Variants in CADPS2 observed in about 807,000 individuals in gnomAD.
CADPS2 encodes calcium dependent secretion activator 2, also known as calcium-dependent secretion activator 2.
Under a neutral mutation model 172.5 loss-of-function variants are expected in CADPS2, and 93 were observed. That is an observed-to-expected ratio of 0.54 (90% CI 0.46 to 0.64). CADPS2 has a LOEUF of 0.64. Among genes scored for constraint, CADPS2 ranks in the 30% least tolerant of loss-of-function variants. CADPS2 has a pLI of 0.00. For synonymous variants in CADPS2, 546 were observed against 555.2 expected, an observed-to-expected ratio of 0.98 and a Z score of 0.23; for missense variants, 1,420 against 1,565.9, an observed-to-expected ratio of 0.91 and a Z score of 1.57.
chr7:122,396,988 C>T (rs893824886), intron 20 of CADPS2, among the ~76,000 whole-genome samples: 1 of 152,102 alleles, frequency 6.6e-6, no homozygotes, highest in African/African-American at 2.4e-5. Context: ...ACTTATAAAA[C>T]CTATTGAGGC....
intron 6 of CADPS2, among the ~76,000 whole-genome samples, chr7:122,599,783 A>G (rs528126066): frequency 4.4e-4 from 67 of 152,092 alleles, no homozygotes; most frequent in Non-Finnish European, 8.5e-4. Context: ...TACATATAAT[A>G]TGAAATATAC....
intron 10 of CADPS2, 25 bp from the exon 11 acceptor site, chr7:122,490,306 A>G: frequency 6.2e-7 from 1 of 1,603,960 alleles, no homozygotes; most frequent in East Asian, 2.2e-5. Flanking sequence ...AAAAGACATC[A>G]TTAAAAATTT....
At chr7:122,710,082 C>A (rs1228812294) in intron 2 of CADPS2, among the ~76,000 whole-genome samples, 6 of 140,554 alleles carry the variant, frequency 4.3e-5, no homozygotes, top group African/African-American at 5.3e-5. Context: ...TCTGCCAACC[C>A]AAAAAAAAAA....
chr7:122,702,040 G>A (rs751255171), intron 2 of CADPS2: 1 of 1,613,362 alleles, frequency 6.2e-7, no homozygotes, highest in African/African-American at 1.3e-5. Flanking sequence ...GTTGAAGCTG[G>A]TCAATAGCTT....
At chr7:122,545,248 G>A (rs2063504268) in intron 8 of CADPS2, among the ~76,000 whole-genome samples, 1 of 152,166 alleles carries the variant, frequency 6.6e-6, no homozygotes, top group African/African-American at 2.4e-5. Context: ...ATGGCTTGCA[G>A]TTAGCGGAGA....
At chr7:122,720,224 C>T (rs1161522409) in intron 2 of CADPS2, among the ~76,000 whole-genome samples, 1 of 151,858 alleles carries the variant, frequency 6.6e-6, no homozygotes, top group Non-Finnish European at 1.5e-5. Context: ...CATAATAAAA[C>T]CACAATACCA....
intron 1 of CADPS2, among the ~76,000 whole-genome samples, chr7:122,757,412 T>C (rs1377800149): frequency 1.3e-5 from 2 of 152,052 alleles, no homozygotes; most frequent in Admixed American, 1.3e-4. Context: ...CCACCCAAAG[T>C]GCTGGGATTA....
chr7:122,332,071 C>T (rs1304294445), intron 28 of CADPS2: 1 of 152,106 alleles, frequency 6.6e-6, no homozygotes, highest in Non-Finnish European at 1.5e-5. Flanking sequence ...TTAATTATTT[C>T]CAAAAAAGCC....
Position 122,550,967 on chromosome 7 carries a change from T to C in CADPS2, c.1475+3583A>G, listed in dbSNP as rs185637906. Among the ~76,000 whole-genome samples, 426 of 152,234 alleles carry C rather than the reference T, an allele frequency of 2.8e-3. 4 individuals are homozygous for C. Among genetic ancestry groups the C allele is most frequent in the African/African-American group, 9.9e-3 (411 of 41,560 alleles). ...TCTTGTGGTAATGCCCAGTTTGGTT[T>C]TAAAAGGATGGAATCATAGTTATGC... On this transcript the variant is annotated intron_variant, in intron 8 of 29. Coordinates refer to ENST00000449022, the MANE Select transcript of CADPS2 (RefSeq NM_017954.11).
chr7:122,708,882 G>A (rs2088137857), intron 2 of CADPS2, among the ~76,000 whole-genome samples: 2 of 151,796 alleles, frequency 1.3e-5, no homozygotes, highest in Admixed American at 6.6e-5. Flanking sequence ...GCACTAGGAG[G>A]CAGAAGGAAG....
At chr7:122,389,883 A>C (rs150958672) in intron 22 of CADPS2, among the ~76,000 whole-genome samples, 39 of 152,178 alleles carry the variant, frequency 2.6e-4, no homozygotes, top group African/African-American at 8.9e-4. Flanking sequence ...TGTATCCCAG[A>C]ACTTAAAGTA....
chr7:122,413,649 T>C (rs1217154950), intron 19 of CADPS2, among the ~76,000 whole-genome samples: 1 of 152,190 alleles, frequency 6.6e-6, no homozygotes, highest in Non-Finnish European at 1.5e-5. Context: ...AACTCTAGCT[T>C]GAACATCCAG....
At chr7:122,402,989 G>T (rs778307292) in intron 20 of CADPS2, among the ~76,000 whole-genome samples, 7 of 152,080 alleles carry the variant, frequency 4.6e-5, no homozygotes, top group Non-Finnish European at 1.0e-4. Flanking sequence ...TCTTTCAAGG[G>T]GTACTAAAAG....
At chr7:122,684,219 C>G (rs1588404195) in intron 2 of CADPS2, among the ~76,000 whole-genome samples, 2 of 152,092 alleles carry the variant, frequency 1.3e-5, no homozygotes, top group African/African-American at 4.8e-5. Context: ...AAATTGATAT[C>G]ATTATATGTC....
At chr7:122,537,063 C>T (rs969778647) in intron 8 of CADPS2, among the ~76,000 whole-genome samples, 50 of 151,842 alleles carry the variant, frequency 3.3e-4, no homozygotes, top group African/African-American at 1.2e-3. Flanking sequence ...GGAAAAATAA[C>T]TATTTACTAG....
intron 9 of CADPS2, among the ~76,000 whole-genome samples, chr7:122,493,288 A>C (rs781503420): frequency 2.5e-4 from 38 of 152,278 alleles, no homozygotes; most frequent in Non-Finnish European, 2.6e-4. Context: ...GAGGCCAAAA[A>C]GAGAGGTTTG....
intron 2 of CADPS2, among the ~76,000 whole-genome samples, chr7:122,700,156 T>A (rs888073959): frequency 2.6e-5 from 4 of 151,976 alleles, no homozygotes; most frequent in African/African-American, 7.3e-5. Flanking sequence ...TCTCAGTGGG[T>A]TTTTTCCCAC....
At chr7:122,737,103 G>A (rs748418022) in intron 1 of CADPS2, 35 bp from the exon 2 acceptor site, 1 of 1,088,794 alleles carries the variant, frequency 9.2e-7, no homozygotes, top group Non-Finnish European at 1.4e-6. Flanking sequence ...AGATAAATTG[G>A]CCAGTACATG....
chr7:122,426,240 T>C (rs539954741), intron 17 of CADPS2: 1 of 152,360 alleles, frequency 6.6e-6, no homozygotes, highest in Admixed American at 6.5e-5. Flanking sequence ...TGATACATAA[T>C]CAAGGTCTTC....
Sources: gnomAD v4.1 joint callset for allele counts (sites outside exome capture counted in the v4.1 genomes callset) on GRCh38, gnomAD v4.1.1 for gene constraint, MANE v1.5 for transcripts, NCBI Gene and HGNC (gene_info 2026-07-23, HGNC 2026-07-21) for gene names.